ERICH1: variants seen among roughly 807,000 people sequenced by gnomAD.
ERICH1 encodes the protein glutamate-rich protein 1.
In ERICH1, 56 loss-of-function variants were observed where a neutral mutation model predicts 39.6. The observed-to-expected ratio is 1.41, with a 90% CI of 1.14 to 1.77. The LOEUF (loss-of-function observed/expected upper bound fraction) is 1.77, where lower values mean the gene tolerates loss of function less well. Ranked by LOEUF, ERICH1 falls within the 40% of genes most tolerant of loss-of-function variation. The probability of loss-of-function intolerance (pLI) is 0.00; values close to 1 mark genes in which losing one functional copy is unlikely to be tolerated. For synonymous variants in ERICH1, 313 were observed against 223.6 expected, an observed-to-expected ratio of 1.40 and a Z score of -3.57; for missense variants, 826 against 575.4, an observed-to-expected ratio of 1.44 and a Z score of -4.45.
chr8:705,828 A>G (rs7834337), intron 2 of ERICH1, among the ~76,000 whole-genome samples: 137,212 of 152,208 alleles, frequency 0.9, 61,947 homozygotes, highest in South Asian at 0.95. Flanking sequence ...CACAAAAGAC[A>G]CTGGTGAAAG....
intron 2 of ERICH1, among the ~76,000 whole-genome samples, chr8:694,028 C>T (rs543803675): frequency 3.3e-5 from 5 of 152,306 alleles, no homozygotes; most frequent in East Asian, 3.9e-4. Flanking sequence ...TGCTCTTGCA[C>T]GTGACAAACA....
chr8:650,386 C>T (rs2117307567), intron 3 of ERICH1, among the ~76,000 whole-genome samples: 1 of 152,346 alleles, frequency 6.6e-6, no homozygotes, highest in Admixed American at 6.5e-5. Context: ...TGGGGGCTGA[C>T]ATCTGCCTCA....
intron 3 of ERICH1, among the ~76,000 whole-genome samples, chr8:692,238 A>T (rs1183441005): frequency 1.3e-5 from 2 of 152,222 alleles, no homozygotes; most frequent in African/African-American, 4.8e-5. Flanking sequence ...CTATAGTCAT[A>T]TTCCCACTTT....
chr8:638,481 T>G (rs1189044747), intron 3 of ERICH1, among the ~76,000 whole-genome samples: 17 of 152,130 alleles, frequency 1.1e-4, no homozygotes, highest in Admixed American at 1.1e-3. Flanking sequence ...GGAAGGTTCG[T>G]GGGTTCAAAA....
chr8:725,788 G>T (rs191384793), intron 1 of ERICH1: 1 of 152,696 alleles, frequency 6.5e-6, no homozygotes, highest in East Asian at 1.9e-4. Context: ...TGGCTGGCAC[G>T]GCGCCTCTTC....
rs192946941 is a variant in ERICH1 at position 701,419 on chromosome 8, C to T, written c.170-8807G>A. Among the ~76,000 whole-genome samples, 235 of 152,358 alleles carry T rather than the reference C, an allele frequency of 1.5e-3. 1 individual carries two copies. The highest frequency in any genetic ancestry group is 5.3e-3 in the African/African-American group (221 of 41,592). On this transcript the variant is annotated intron_variant, in intron 2 of 5. Transcript: ENST00000262109. ...CCCCGCCGGACGGGAGCACGCCTTA[C>T]CCACGGGTGTGCCCTGCTGGATGGG...
At chr8:668,551 A>G in intron 5 of ERICH1, 47 bp downstream of exon 5, 2 of 1,609,334 alleles carry the variant, frequency 1.2e-6, no homozygotes, top group Non-Finnish European at 8.5e-7. Context: ...GCAAACCTCG[A>G]TGAGAGTATC....
chr8:623,461 A>G (rs1422557460), intron 3 of ERICH1, among the ~76,000 whole-genome samples: 1 of 152,210 alleles, frequency 6.6e-6, no homozygotes, highest in Non-Finnish European at 1.5e-5. Context: ...AAGGGAAAGA[A>G]TAGTCTTCTA....
intron 3 of ERICH1, among the ~76,000 whole-genome samples, chr8:685,167 C>T (rs1230861295): frequency 6.6e-6 from 1 of 152,132 alleles, no homozygotes; most frequent in Non-Finnish European, 1.5e-5. Flanking sequence ...CCCCCTCCGT[C>T]CCCCCAGGAA....
intron 3 of ERICH1, among the ~76,000 whole-genome samples, chr8:644,214 C>T (rs1799341121): frequency 6.6e-6 from 1 of 152,226 alleles, no homozygotes; most frequent in African/African-American, 2.4e-5. Context: ...CGCCTGGCCT[C>T]CTGGCCCCGT....
At chr8:716,800 T>C (rs1673978993) in intron 1 of ERICH1, among the ~76,000 whole-genome samples, 2 of 152,036 alleles carry the variant, frequency 1.3e-5, no homozygotes. Flanking sequence ...ACTGGAGGCG[T>C]GCAGGGATCT....
chr8:682,908 T>G (rs139034280), intron 3 of ERICH1, among the ~76,000 whole-genome samples: 1 of 152,216 alleles, frequency 6.6e-6, no homozygotes, highest in African/African-American at 2.4e-5. Context: ...AAGCTACCAA[T>G]GTCCTCTAGG....
intron 3 of ERICH1, among the ~76,000 whole-genome samples, chr8:685,823 T>C (rs1807205132): frequency 6.6e-6 from 1 of 152,056 alleles, no homozygotes; most frequent in Non-Finnish European, 1.5e-5. Context: ...TGAGAGTCTC[T>C]TCAGCTTTGG....
chr8:660,593 C>T (rs999464383), downstream of ERICH1, among the ~76,000 whole-genome samples: 10 of 152,264 alleles, frequency 6.6e-5, no homozygotes, highest in South Asian at 2.1e-4. Flanking sequence ...CACTGCGAGG[C>T]GGCAAATGGT....
At chr8:651,149 G>A (rs992680033) in intron 3 of ERICH1, among the ~76,000 whole-genome samples, 1 of 152,172 alleles carries the variant, frequency 6.6e-6, no homozygotes, top group South Asian at 2.1e-4. Context: ...CAGTTAAGTT[G>A]AATTAGACAC....
At chr8:674,515 G>C (rs1429994684) in intron 3 of ERICH1, among the ~76,000 whole-genome samples, 3 of 152,028 alleles carry the variant, frequency 2.0e-5, no homozygotes, top group African/African-American at 7.2e-5. Context: ...TGTTGGCCAG[G>C]GTTGTCTCAA....
At chr8:709,929 T>G (rs1814306240) in intron 2 of ERICH1, among the ~76,000 whole-genome samples, 1 of 152,166 alleles carries the variant, frequency 6.6e-6, no homozygotes, top group African/African-American at 2.4e-5. Flanking sequence ...TTAGGTAGGT[T>G]AGAACAAAGA....
intron 3 of ERICH1, among the ~76,000 whole-genome samples, chr8:627,891 G>T (rs992886611): frequency 6.6e-6 from 1 of 152,190 alleles, no homozygotes; most frequent in Non-Finnish European, 1.5e-5. Context: ...GATCCCAGCT[G>T]CCTCCCCTAG....
chr8:628,778 C>T (rs953917557), intron 3 of ERICH1, among the ~76,000 whole-genome samples: 1 of 152,214 alleles, frequency 6.6e-6, no homozygotes, highest in East Asian at 1.9e-4. Context: ...GGTGAAAATC[C>T]TTCCTGCTTC....
Sources: allele counts gnomAD v4.1 joint callset (sites outside exome capture counted in the v4.1 genomes callset), GRCh38; gene constraint gnomAD v4.1.1; transcripts MANE v1.5; gene names NCBI Gene and HGNC (gene_info 2026-07-23, HGNC 2026-07-21).